The following MAPKAPK3 variants were observed in gnomAD, a reference collection of about 807,000 sequenced individuals.
MAPKAPK3 encodes MAP kinase-activated protein kinase 3.
MAPKAPK3 carries 35 observed loss-of-function variants against 49.2 expected under a neutral mutation model. That is an observed-to-expected ratio of 0.71 (90% CI 0.54 to 0.94). The LOEUF (loss-of-function observed/expected upper bound fraction) is 0.94. Among genes scored for constraint, MAPKAPK3 ranks in the 40% least tolerant of loss-of-function variants. The pLI, the probability that MAPKAPK3 is intolerant of heterozygous loss-of-function variation, is 0.00. For synonymous variants in MAPKAPK3, 178 were observed against 188.7 expected (o/e 0.94, Z 0.46); for missense variants, 398 against 493.1 (o/e 0.81, Z 1.83).
At chr3:50,625,808 C>T (rs2032723815) in intron 2 of MAPKAPK3, among the ~76,000 whole-genome samples, 1 of 152,198 alleles carries the variant, frequency 6.6e-6, no homozygotes, top group Non-Finnish European at 1.5e-5. Flanking sequence ...GGCCTCTTTT[C>T]TGCAGCCTGG....
chr3:50,646,636 A>T, intron 8 of MAPKAPK3, 104 bp from the exon 9 acceptor site: 1 of 975,728 alleles, frequency 1.0e-6, no homozygotes, highest in Non-Finnish European at 1.6e-6. Context: ...GGAATTTGGG[A>T]GCACATGCAG....
chr3:50,646,838 T>C lies in MAPKAPK3; in HGVS notation c.915+13T>C, dbSNP rs755354434. 2 of 1,612,920 alleles carry C rather than the reference T, an allele frequency of 1.2e-6. No individual in the cohort carries two copies. The highest frequency in any genetic ancestry group is 1.3e-5 in the African/African-American group (1 of 74,954). On this transcript the variant is annotated intron_variant, in intron 9 of 10. Transcript: ENST00000621469. ...CCCCTGGATCAACGTGAGCCCCTCC[T>C]CCTCCCATGGCAGGCAGGGTGTCCA... is the stretch of plus-strand genomic sequence containing the variant.
At chr3:50,611,689 C>A, upstream of MAPKAPK3, 2 of 1,461,906 alleles carry the variant, frequency 1.4e-6, no homozygotes, top group Non-Finnish European at 1.8e-6. Context: ...GGGGACTCGG[C>A]TGGACGGCGG....
Position 50,647,194 on chromosome 3 carries a change from C to T in MAPKAPK3, c.987C>T (p.Asp329=), listed in dbSNP as rs746823043. Residue 329 remains aspartate, a synonymous_variant, in exon 10 of 11, where the codon GAC becomes GAT. Transcript: ENST00000621469. The part of the protein sequence containing the change: ...RVLQEDKDHW[D]EVKEEMTSAL... Reference sequence around the variant, plus strand: ...TGCAGGAGGACAAAGACCACTGGGACGAAGTCAAGGTGGGTGGGCTCTGCC... The same window carrying T: ...TGCAGGAGGACAAAGACCACTGGGATGAAGTCAAGGTGGGTGGGCTCTGCC... 1.9e-5 allele frequency: 30 copies of T among 1,589,984 alleles called. No homozygotes were observed. Among genetic ancestry groups the T allele is most frequent in the Middle Eastern group, 1.7e-4 (1 of 6,034 alleles).
At position 50,625,501 on chromosome 3, in the gene MAPKAPK3, C is replaced by T. The variant is rs3804629; in HGVS notation, c.219+7717C>T. On this transcript the variant is annotated intron_variant, in intron 2 of 10. Coordinates refer to ENST00000621469, the MANE Select transcript of MAPKAPK3 (RefSeq NM_001243925.2). ...GTGGAGGTTTGGCTTAGAGCAGGAA[C>T]ACGAGGCTCCCGTTTGGGGAACAAG... Among the ~76,000 whole-genome samples, 135 of 152,324 alleles carry T rather than the reference C, an allele frequency of 8.9e-4. 1 individual carries two copies. The East Asian group carries it at 0.025, about 29-fold the overall frequency.
chr3:50,611,551 GC>G, upstream of MAPKAPK3: 1 of 1,521,632 alleles, frequency 6.6e-7, no homozygotes, highest in Non-Finnish European at 8.8e-7. Context: ...CCCTCCCAAT[GC>G]CCGGCAGCTA....
At chr3:50,613,244 AGGGAAG>A (rs2032382037), upstream of MAPKAPK3, among the ~76,000 whole-genome samples, 1 of 152,170 alleles carries the variant, frequency 6.6e-6, no homozygotes, top group African/African-American at 2.4e-5. Flanking sequence ...GATAGCATCC[AGGGAAG>A]ACAGGGCTCA....
At chr3:50,623,583 A>T (rs2032663478) in intron 2 of MAPKAPK3, among the ~76,000 whole-genome samples, 1 of 152,232 alleles carries the variant, frequency 6.6e-6, no homozygotes, top group South Asian at 2.1e-4. Flanking sequence ...TTTTCAGAGC[A>T]TTCTGCCCAG....
intron 2 of MAPKAPK3, among the ~76,000 whole-genome samples, chr3:50,632,152 A>G (rs1433325521): frequency 1.3e-5 from 2 of 152,250 alleles, no homozygotes; most frequent in African/African-American, 2.4e-5. Context: ...CTTTTGCAGA[A>G]TTGCTGTTGA....
intron 2 of MAPKAPK3, among the ~76,000 whole-genome samples, chr3:50,623,997 A>C (rs1190498164): frequency 1.3e-5 from 2 of 152,256 alleles, no homozygotes; most frequent in Non-Finnish European, 2.9e-5. Flanking sequence ...AGGCCAGCAC[A>C]CAAGGACCAT....
intron 3 of MAPKAPK3, 29 bp from the exon 4 acceptor site, chr3:50,641,678 C>T: frequency 6.3e-7 from 1 of 1,598,446 alleles, no homozygotes; most frequent in Non-Finnish European, 8.6e-7. Context: ...CAGTTTCCCC[C>T]TCTCTGCTTA....
At chr3:50,643,066 G>A (rs1212794641) in intron 5 of MAPKAPK3, among the ~76,000 whole-genome samples, 1 of 152,174 alleles carries the variant, frequency 6.6e-6, no homozygotes, top group Non-Finnish European at 1.5e-5. Context: ...TAGGCAGGTT[G>A]GTCTTGAACT....
In MAPKAPK3 at chr3:50,647,759, G is replaced by T. The variant is rs757543073; in HGVS notation, c.997-135G>T. ...CATGTGATGCAAAGGGCTTGGCCCAGTGCTGGGCACACAGTGGGCACAGAG... is the reference window on the plus strand; with the variant it reads ...CATGTGATGCAAAGGGCTTGGCCCATTGCTGGGCACACAGTGGGCACAGAG... On this transcript the variant is annotated intron_variant, in intron 10 of 10. Coordinates refer to ENST00000621469, the MANE Select transcript of MAPKAPK3 (RefSeq NM_001243925.2). The T allele has an allele frequency of 2.6e-5, 21 of 814,910 alleles. No homozygotes were observed. The South Asian group carries it at 3.2e-4, about 13-fold the overall frequency. The allele number at this position is 814,910 out of a possible 1,614,324, so 50.5% of individuals were successfully genotyped here. A position where few individuals can be genotyped will look rare whatever the true frequency, so the allele number is the denominator to read the frequency against.
At chr3:50,636,703 A>G (rs1442888062) in intron 2 of MAPKAPK3, among the ~76,000 whole-genome samples, 1 of 152,212 alleles carries the variant, frequency 6.6e-6, no homozygotes, top group African/African-American at 2.4e-5. Flanking sequence ...AGAGGAGATG[A>G]CATTGAGGTG....
chr3:50,611,578 T>C, upstream of MAPKAPK3: 1 of 1,524,582 alleles, frequency 6.6e-7, no homozygotes, highest in Non-Finnish European at 8.8e-7. Flanking sequence ...AAGCCCCTGT[T>C]CTCCCGTGCG....
At chr3:50,628,591 G>A (rs1181980736) in intron 2 of MAPKAPK3, among the ~76,000 whole-genome samples, 1 of 152,156 alleles carries the variant, frequency 6.6e-6, no homozygotes, top group African/African-American at 2.4e-5. Flanking sequence ...CCAGAACCTG[G>A]ATCTTCTGAG....
In MAPKAPK3 at chr3:50,647,987, A is replaced by C; in HGVS notation, c.1090A>C (p.Lys364Gln). The C allele has an allele frequency of 2.5e-6, 4 of 1,613,858 alleles. No individual in the cohort carries two copies. The highest frequency in any genetic ancestry group is 3.4e-6 in the Non-Finnish European group (4 of 1,179,922). Residue 364 changes from lysine (K) to glutamine (Q), a missense_variant, in exon 11 of 11, where the codon AAG (lysine) becomes CAG (glutamine). Coordinates refer to ENST00000621469, the MANE Select transcript of MAPKAPK3 (RefSeq NM_001243925.2). ...GACCTCTAACAACCGGCTCCTCAACAAGAGGAGAAAAAAGCAGGCAGGCAG... is the reference window on the plus strand; with the variant it reads ...GACCTCTAACAACCGGCTCCTCAACCAGAGGAGAAAAAAGCAGGCAGGCAG... ...LKTSNNRLLNKRRKKQAGSSS... is the reference protein window; with the variant it reads ...LKTSNNRLLNQRRKKQAGSSS...
At position 50,645,867 on chromosome 3, in the gene MAPKAPK3, C is replaced by A; in HGVS notation, c.704+82C>A. The A allele has an allele frequency of 4.0e-6, 5 of 1,264,750 alleles. No individual in the cohort carries two copies. In the South Asian group the frequency reaches 4.9e-5, roughly 12 times the overall value. The allele number at this position is 1,264,750 out of a possible 1,614,324, so 78.3% of individuals were successfully genotyped here. A position where few individuals can be genotyped will look rare whatever the true frequency, so the allele number is the denominator to read the frequency against. ...CCTCAGGACCACTTCTGTCCCCCCA[C>A]CCCCATGTCCTTGGTGAGGAGCTTG... On this transcript the variant is annotated intron_variant, in intron 7 of 10. Transcript: ENST00000621469.
chr3:50,613,828 C>T (rs759998067), upstream of MAPKAPK3: 5 of 152,206 alleles, frequency 3.3e-5, no homozygotes, highest in African/African-American at 1.2e-4. Flanking sequence ...TACAATATAA[C>T]TTAGATCTCC....
Sources: allele counts gnomAD v4.1 joint callset (sites outside exome capture counted in the v4.1 genomes callset), GRCh38; gene constraint gnomAD v4.1.1; transcripts MANE v1.5; gene names NCBI Gene and HGNC (gene_info 2026-07-23, HGNC 2026-07-21).